NXPE1: variants seen among roughly 807,000 people sequenced by gnomAD.
NXPE1 encodes NXPE family member 1.
A neutral mutation model predicts 33.3 loss-of-function variants in NXPE1; 31 were observed. The observed-to-expected ratio is 0.93, with a 90% CI of 0.70 to 1.26. The LOEUF (loss-of-function observed/expected upper bound fraction) is 1.26, where lower values mean the gene tolerates loss of function less well. Among genes scored for constraint, NXPE1 ranks in the 50% most tolerant of loss-of-function variants. NXPE1 has a pLI of 0.00. For synonymous variants in NXPE1, 229 were observed against 231.4 expected (o/e 0.99, Z 0.09); for missense variants, 661 against 655.6 (o/e 1.01, Z -0.09).
intron 6 of NXPE1, chr11:114,528,688 C>A: frequency 2.1e-6 from 1 of 465,532 alleles, no homozygotes; most frequent in Non-Finnish European, 3.9e-6. Context: ...CTCTTACTCA[C>A]ACTTTGTTTC....
At chr11:114,522,454 C>T (rs1362840965) in exon 9 of NXPE1, 2 of 1,611,962 alleles carry the variant, frequency 1.2e-6, no homozygotes, top group Admixed American at 3.3e-5. Context: ...CATCCAGAAG[C>T]AAATGTTTCT....
intron 5 of NXPE1, among the ~76,000 whole-genome samples, chr11:114,540,837 CTTT>C (rs142403291): frequency 1.3e-4 from 6 of 47,470 alleles, no homozygotes; most frequent in Admixed American, 6.2e-4. Flanking sequence ...AGAAAGCCAT[CTTT>C]TTTTTTTTTT....
chr11:114,554,038 C>A, intron 1 of NXPE1: 1 of 985,432 alleles, frequency 1.0e-6, no homozygotes, highest in Non-Finnish European at 1.2e-6. Context: ...TCTACTTTTT[C>A]TTCTCCCCAT....
intron 5 of NXPE1, among the ~76,000 whole-genome samples, chr11:114,533,812 C>T (rs1027824329): frequency 2.0e-5 from 3 of 152,224 alleles, no homozygotes; most frequent in African/African-American, 7.2e-5. Flanking sequence ...TGGAGCCCAC[C>T]ACAGCTCAAG....
chr11:114,541,036 G>A (rs529974512), intron 5 of NXPE1, among the ~76,000 whole-genome samples: 2 of 151,830 alleles, frequency 1.3e-5, no homozygotes, highest in African/African-American at 4.8e-5. Flanking sequence ...CACCTGTGGG[G>A]TAGACCCAAA....
intron 5 of NXPE1, among the ~76,000 whole-genome samples, chr11:114,535,917 C>G (rs484356): frequency 0.43 from 65,683 of 151,548 alleles, 15,338 homozygotes; most frequent in East Asian, 0.66. Flanking sequence ...GAACTCAGCT[C>G]TGCACCAAGC....
chr11:114,522,776 A>ATT (rs2134895976), intron 8 of NXPE1, 103 bp downstream of exon 8: 1 of 807,500 alleles, frequency 1.2e-6, no homozygotes, highest in South Asian at 1.7e-5. Flanking sequence ...AGAGAGCCAA[A>ATT]TGAAGTAAAA....
chr11:114,521,251 A>G (rs1355330081), downstream of NXPE1, among the ~76,000 whole-genome samples: 1 of 152,192 alleles, frequency 6.6e-6, no homozygotes, highest in Non-Finnish European at 1.5e-5. Flanking sequence ...CTTACGACAC[A>G]TGAGAGATTT....
chr11:114,535,367 C>T (rs1947770963), intron 5 of NXPE1, among the ~76,000 whole-genome samples: 1 of 152,188 alleles, frequency 6.6e-6, no homozygotes, highest in Non-Finnish European at 1.5e-5. Flanking sequence ...GAAGAAACTA[C>T]ATCAACTAAC....
rs904600974 is a variant in NXPE1 at position 114,553,600 on chromosome 11, A to C, written c.-210-720T>G. Reference sequence around the variant, plus strand: ...ACTTGGAACCCTTAATCAAGATCACATTTGTCTAAGCCATAAGTAACTGCA... The same window carrying C: ...ACTTGGAACCCTTAATCAAGATCACCTTTGTCTAAGCCATAAGTAACTGCA... On this transcript the variant is annotated intron_variant, in intron 1 of 8. Coordinates refer to ENST00000534921, the Ensembl canonical transcript of NXPE1. The C allele has an allele frequency of 1.1e-5, 5 of 455,840 alleles. No homozygotes were observed. In the Admixed American group the frequency reaches 3.2e-4, roughly 29 times the overall value. The allele number at this position is 455,840 out of a possible 1,614,324, so 28.2% of individuals were successfully genotyped here. A position where few individuals can be genotyped will look rare whatever the true frequency, so the allele number is the denominator to read the frequency against.
chr11:114,528,225 T>C (rs1258131975), intron 6 of NXPE1, among the ~76,000 whole-genome samples: 1 of 152,180 alleles, frequency 6.6e-6, no homozygotes, highest in African/African-American at 2.4e-5. Context: ...CTATTCAAGT[T>C]TGCAGAATAG....
At chr11:114,541,007 C>G (rs1306682876) in intron 5 of NXPE1, among the ~76,000 whole-genome samples, 1 of 151,738 alleles carries the variant, frequency 6.6e-6, no homozygotes, top group Non-Finnish European at 1.5e-5. Context: ...GCTTAGATCT[C>G]TAGCTGACCC....
intron 5 of NXPE1, among the ~76,000 whole-genome samples, chr11:114,536,019 C>A (rs1239290730): frequency 1.3e-5 from 2 of 152,214 alleles, no homozygotes. Flanking sequence ...CAAAATTGAC[C>A]ACATAGTTGG....
intron 3 of NXPE1, among the ~76,000 whole-genome samples, 174 bp downstream of exon 3, chr11:114,551,800 G>A (rs1332199912): frequency 6.6e-6 from 1 of 152,056 alleles, no homozygotes; most frequent in African/African-American, 2.4e-5. Context: ...GTGAGGAAGG[G>A]GGAAGAAGGA....
At chr11:114,556,419 G>A (rs1343099500) in intron 1 of NXPE1, among the ~76,000 whole-genome samples, 1 of 152,106 alleles carries the variant, frequency 6.6e-6, no homozygotes, top group Non-Finnish European at 1.5e-5. Context: ...AGATTTGAGA[G>A]TAGATTTCAG....
exon 5 of NXPE1, chr11:114,551,137 C>G: frequency 6.5e-7 from 1 of 1,532,856 alleles, no homozygotes; most frequent in Non-Finnish European, 8.7e-7. Context: ...AAAAATCATC[C>G]AGGTTACTAC....
chr11:114,557,004 T>C (rs768159182), intron 1 of NXPE1, among the ~76,000 whole-genome samples: 2 of 151,972 alleles, frequency 1.3e-5, no homozygotes, highest in Admixed American at 6.6e-5. Flanking sequence ...GCAATTATAG[T>C]GCCTCAGCCT....
chr11:114,540,526 G>A (rs1480743187), intron 5 of NXPE1, among the ~76,000 whole-genome samples: 1 of 152,134 alleles, frequency 6.6e-6, no homozygotes, highest in Non-Finnish European at 1.5e-5. Context: ...AGTATGGAAT[G>A]GGTGCGTATG....
intron 6 of NXPE1, chr11:114,528,989 G>A (rs926688608): frequency 4.0e-5 from 17 of 425,354 alleles, no homozygotes; most frequent in Non-Finnish European, 6.3e-5. Flanking sequence ...AGGGAGCCAG[G>A]GACTATAGAT....
Sources: allele counts gnomAD v4.1 joint callset (sites outside exome capture counted in the v4.1 genomes callset), GRCh38; gene constraint gnomAD v4.1.1; transcripts MANE v1.5; gene names NCBI Gene and HGNC (gene_info 2026-07-23, HGNC 2026-07-21).